EPM2A: variants seen among roughly 807,000 people sequenced by gnomAD.
EPM2A encodes laforin.
In EPM2A, 21 loss-of-function variants were observed where a neutral mutation model predicts 26.5. That is an observed-to-expected ratio of 0.79 (90% confidence interval 0.56 to 1.14). EPM2A has a LOEUF of 1.14. Ranked by LOEUF, EPM2A falls within the 50% of genes most tolerant of loss-of-function variation. EPM2A has a pLI of 0.00. For missense variants in EPM2A, 458 were observed against 440.8 expected (o/e 1.04, Z -0.35); for synonymous variants, 217 against 177.6 (o/e 1.22, Z -1.76).
At chr6:145,718,903 CA>C (rs1275629779) in intron 1 of EPM2A, among the ~76,000 whole-genome samples, 2 of 152,140 alleles carry the variant, frequency 1.3e-5, no homozygotes, top group Non-Finnish European at 2.9e-5. Context: ...CAGAGAAATG[CA>C]AATCAAAACC....
chr6:145,532,311 G>T (rs960372825), intron 2 of EPM2A, among the ~76,000 whole-genome samples: 1 of 152,162 alleles, frequency 6.6e-6, no homozygotes, highest in Non-Finnish European at 1.5e-5. Context: ...CTTCTTGAAA[G>T]GCTGGAAGGT....
chr6:145,497,950 A>C (rs1424096485), downstream of EPM2A, among the ~76,000 whole-genome samples: 1 of 152,142 alleles, frequency 6.6e-6, no homozygotes, highest in Non-Finnish European at 1.5e-5. Flanking sequence ...TTCATCCCAA[A>C]GAGAAATCGA....
downstream of EPM2A, among the ~76,000 whole-genome samples, chr6:145,500,372 A>G (rs1463548817): frequency 6.6e-6 from 1 of 152,254 alleles, no homozygotes; most frequent in African/African-American, 2.4e-5. Flanking sequence ...AACTGCAAAA[A>G]GGAAACTACT....
At chr6:145,574,920 G>A (rs1043630902) in intron 2 of EPM2A, among the ~76,000 whole-genome samples, 5 of 152,022 alleles carry the variant, frequency 3.3e-5, no homozygotes, top group African/African-American at 4.8e-5. Context: ...CCATATTTCT[G>A]CTTATATAAA....
intron 4 of EPM2A, among the ~76,000 whole-genome samples, chr6:145,489,176 G>A (rs1779723591): frequency 6.6e-6 from 1 of 152,220 alleles, no homozygotes; most frequent in African/African-American, 2.4e-5. Flanking sequence ...TAACTGCACA[G>A]TAACAATGCA....
intron 2 of EPM2A, among the ~76,000 whole-genome samples, chr6:145,589,929 T>TC (rs1781248998): frequency 1.3e-5 from 2 of 151,096 alleles, no homozygotes; most frequent in African/African-American, 4.9e-5. Context: ...ACTCCCATCC[T>TC]TAAGATAAGA....
chr6:145,637,029 C>A (rs955122109), intron 2 of EPM2A: 1 of 151,798 alleles, frequency 6.6e-6, no homozygotes, highest in South Asian at 2.1e-4. Context: ...TTGGTGTACT[C>A]ATCTTTAGAA....
intron 4 of EPM2A, among the ~76,000 whole-genome samples, chr6:145,416,603 T>C (rs1391212396): frequency 1.3e-5 from 2 of 152,178 alleles, no homozygotes; most frequent in Non-Finnish European, 2.9e-5. Context: ...CACAGAGAGT[T>C]GAGTGTTGCC....
At chr6:145,484,035 T>G (rs560940967) in intron 4 of EPM2A, among the ~76,000 whole-genome samples, 18 of 152,290 alleles carry the variant, frequency 1.2e-4, no homozygotes, top group Admixed American at 3.9e-4. Flanking sequence ...TATGTCTATC[T>G]TGCTACATGA....
At chr6:145,539,529 C>G (rs1346874104) in intron 2 of EPM2A, among the ~76,000 whole-genome samples, 1 of 152,124 alleles carries the variant, frequency 6.6e-6, no homozygotes, top group African/African-American at 2.4e-5. Context: ...GAGAACAGAG[C>G]TAGAGAAAGA....
chr6:145,603,812 G>T (rs1781447627), intron 2 of EPM2A, among the ~76,000 whole-genome samples: 1 of 152,098 alleles, frequency 6.6e-6, no homozygotes, highest in Non-Finnish European at 1.5e-5. Context: ...CCATTAACTG[G>T]AAATTAGTAT....
At chr6:145,595,037 A>G (rs1268349338) in intron 2 of EPM2A, among the ~76,000 whole-genome samples, 1 of 151,810 alleles carries the variant, frequency 6.6e-6, no homozygotes, top group East Asian at 1.9e-4. Flanking sequence ...ACCTTAGGCC[A>G]TACTTTTTAA....
chr6:145,409,301 C>A (rs574818257), intron 4 of EPM2A, among the ~76,000 whole-genome samples: 1 of 152,210 alleles, frequency 6.6e-6, no homozygotes, highest in East Asian at 1.9e-4. Context: ...AAATTGACTT[C>A]ATTACTTTGC....
intron 2 of EPM2A, among the ~76,000 whole-genome samples, chr6:145,532,601 C>T (rs1780373840): frequency 1.3e-5 from 2 of 152,102 alleles, no homozygotes. Context: ...GAGTCAGGGC[C>T]GTGGCTGCAA....
chr6:145,391,241 A>G (rs1483378885), intron 4 of EPM2A, among the ~76,000 whole-genome samples: 1 of 152,218 alleles, frequency 6.6e-6, no homozygotes, highest in East Asian at 1.9e-4. Flanking sequence ...TTTTTGAAAG[A>G]CATGTTCCAT....
chr6:145,411,565 TAA>T (rs111501027), intron 4 of EPM2A, among the ~76,000 whole-genome samples: 1 of 148,692 alleles, frequency 6.7e-6, no homozygotes, highest in Non-Finnish European at 1.5e-5. Context: ...TTGAGAATGG[TAA>T]AAAAAAAAAT....
At chr6:145,716,603 C>T (rs1775638752) in intron 1 of EPM2A, among the ~76,000 whole-genome samples, 1 of 152,124 alleles carries the variant, frequency 6.6e-6, no homozygotes, top group South Asian at 2.1e-4. Context: ...CGCCCCACAG[C>T]CTCCTGCAGC....
Position 145,440,030 on chromosome 6 carries a change from T to C in EPM2A, c.556-55933A>G, listed in dbSNP as rs1718301482. On this transcript the variant is annotated intron_variant, in intron 4 of 4. Coordinates refer to the EPM2A transcript ENST00000638717. The stretch of plus-strand genomic sequence containing the variant: ...ATGGGTCCAGTTTCAGTCTTCTGCA[T>C]ATAGTTAGCAAGTTAGCCCAGAACC... Among the ~76,000 whole-genome samples the C allele has an allele frequency of 4.6e-5, 7 of 152,240 alleles. No homozygotes were observed. The South Asian group carries it at 1.4e-3, about 31-fold the overall frequency.
chr6:145,501,663 A>C lies in EPM2A; in HGVS notation c.*144T>G, dbSNP rs1042354447. The C allele has an allele frequency of 3.3e-5, 13 of 399,582 alleles. No individual in the cohort carries two copies. In the East Asian group the frequency reaches 8.7e-4, roughly 27 times the overall value. The allele number at this position is 399,582 out of a possible 1,614,324, so 24.8% of individuals were successfully genotyped here. The stretch of plus-strand genomic sequence containing the variant: ...CATATTGGGCAGAAGTGGGGGAAGA[A>C]GGAGTTACGAAGATTGTCCCACTAA... On this transcript the variant is annotated 3_prime_UTR_variant, in exon 4 of 4. Coordinates refer to the EPM2A transcript ENST00000450221.
Sources: allele counts gnomAD v4.1 joint callset (sites outside exome capture counted in the v4.1 genomes callset), GRCh38; gene constraint gnomAD v4.1.1; transcripts MANE v1.5; gene names NCBI Gene and HGNC (gene_info 2026-07-23, HGNC 2026-07-21).